Variants in RP1L1 observed in about 807,000 individuals in gnomAD.
The protein encoded by RP1L1 is RP1 like 1.
Under a neutral mutation model 15.7 loss-of-function variants are expected in RP1L1, and 27 were observed. The observed-to-expected ratio is 1.72, with a 90% confidence interval of 1.27 to 2.38. The LOEUF is 2.38. Ranked by LOEUF, RP1L1 falls within the 30% of genes most tolerant of loss-of-function variation. The pLI, the probability that RP1L1 is intolerant of heterozygous loss-of-function variation, is 0.00. For missense variants in RP1L1, 4,798 were observed against 3,075.9 expected, an observed-to-expected ratio of 1.56 and a Z score of -13.24; for synonymous variants, 1,813 against 1,276.7, an observed-to-expected ratio of 1.42 and a Z score of -8.96.
rs1797846026 is a variant in RP1L1 at position 10,611,234 on chromosome 8, G to A, written c.2864C>T (p.Ala955Val). The A allele has an allele frequency of 1.2e-6, 2 of 1,613,026 alleles. No individual in the cohort carries two copies. Among genetic ancestry groups the A allele is most frequent in the African/African-American group, 1.3e-5 (1 of 75,056 alleles). ...GTTGTCCAGCCATTCGCGGACCACA[G>A]CCTCTGGAGACGAGCGGGGCAGAGA... is the stretch of plus-strand genomic sequence containing the variant. Reference protein sequence around the residue: ...PSSLPRSSPEAVVREWLDNIP... With the variant: ...PSSLPRSSPEVVVREWLDNIP... The change falls in exon 4 of 4, where the codon GCT becomes GTT. Residue 955 changes from alanine to valine, a missense_variant. Physicochemically the swap from Ala to Val is moderately conservative, Grantham distance 64. Transcript: ENST00000382483.
chr8:10,633,482 G>A (rs563809215), intron 1 of RP1L1, among the ~76,000 whole-genome samples: 8 of 152,272 alleles, frequency 5.3e-5, no homozygotes, highest in African/African-American at 1.9e-4. Flanking sequence ...CCCGGGCAAG[G>A]ACACCACTCC....
rs747689221 is a variant in RP1L1, at chr8:10,612,568, T to C, written c.1530A>G (p.Ala510=). ...CGCCTTGCTCTGGGCCGCCCAGCCC[T>C]GCTCCATCTATGCATAGGCCGGGGT... ...GEDPGLCIDG[A]GLGGPEQGGR... Residue 510 remains alanine (A), a synonymous_variant, in exon 4 of 4, where the codon GCA becomes GCG. Coordinates refer to ENST00000382483, the MANE Select transcript of RP1L1 (RefSeq NM_178857.6). 7 of 1,607,066 alleles carry C rather than the reference T, an allele frequency of 4.4e-6. No individual in the cohort carries two copies. The East Asian group carries it at 6.7e-5, about 15-fold the overall frequency.
chr8:10,625,732 A>C (rs1055234915), intron 1 of RP1L1, among the ~76,000 whole-genome samples: 20 of 152,088 alleles, frequency 1.3e-4, no homozygotes, highest in Admixed American at 1.2e-3. Flanking sequence ...TGTGGACAGG[A>C]CCACGCAGGA....
chr8:10,611,453 C>A lies in RP1L1; in HGVS notation c.2645G>T (p.Arg882Leu). Residue 882 changes from arginine to leucine, a missense_variant, in exon 4 of 4, where the codon CGG becomes CTG. Transcript: ENST00000382483. The part of the protein sequence containing the change: ...STGSSHQSTA[R>L]GPGGSPQEGT... ...CTCCTGCGGGCTCCCACCTGGCCCC[C>A]GGGCAGTGCTTTGGTGGCTGCTGCC... is the stretch of plus-strand genomic sequence containing the variant. 5.1e-6 allele frequency: 8 copies of A among 1,570,528 alleles called. No individual in the cohort carries two copies. Among genetic ancestry groups the A allele is most frequent in the Non-Finnish European group, 6.9e-6 (8 of 1,160,386 alleles).
intron 1 of RP1L1, among the ~76,000 whole-genome samples, chr8:10,625,861 G>A (rs936868328): frequency 1.3e-4 from 20 of 152,070 alleles, no homozygotes; most frequent in Non-Finnish European, 2.6e-4. Flanking sequence ...CACTTGTACC[G>A]ATCAGAGCCA....
intron 1 of RP1L1, among the ~76,000 whole-genome samples, chr8:10,628,903 A>C (rs1798198532): frequency 6.6e-6 from 1 of 152,210 alleles, no homozygotes; most frequent in South Asian, 2.1e-4. Flanking sequence ...CTCATCAGTA[A>C]GGGAAGTAGG....
intron 1 of RP1L1, among the ~76,000 whole-genome samples, chr8:10,633,590 T>G (rs1798285037): frequency 6.6e-6 from 1 of 152,012 alleles, no homozygotes; most frequent in South Asian, 2.1e-4. Flanking sequence ...GCAAACCCAC[T>G]CAGAGGAGCG....
At chr8:10,625,916 G>A (rs1006075900) in intron 1 of RP1L1, among the ~76,000 whole-genome samples, 2 of 151,964 alleles carry the variant, frequency 1.3e-5, no homozygotes, top group Admixed American at 6.6e-5. Context: ...AGCGAGGGCA[G>A]CATTGTGGGA....
intron 1 of RP1L1, among the ~76,000 whole-genome samples, chr8:10,629,678 C>T (rs1585987544): frequency 6.6e-6 from 1 of 152,168 alleles, no homozygotes; most frequent in East Asian, 1.9e-4. Flanking sequence ...TTTCTTCTCA[C>T]ATAGAAATAG....
chr8:10,609,600 C>T lies in RP1L1; in HGVS notation c.4498G>A (p.Ala1500Thr), dbSNP rs1339972499. The T allele has an allele frequency of 1.2e-6, 2 of 1,606,386 alleles. No homozygotes were observed. The highest frequency in any genetic ancestry group is 1.3e-5 in the African/African-American group (1 of 75,032). Residue 1500 changes from alanine (A) to threonine (T), a missense_variant, in exon 4 of 4, where the codon GCA (alanine) becomes ACA (threonine). Coordinates refer to ENST00000382483, the MANE Select transcript of RP1L1 (RefSeq NM_178857.6). ...HTQAQPTQGA[A>T]ERSSSVACSA... The stretch of plus-strand genomic sequence containing the variant: ...CAGGCCACCGAAGAGCTCCTCTCTG[C>T]AGCCCCCTGGGTGGGTTGGGCCTGC...
In RP1L1 at chr8:10,609,861, C is replaced by A; in HGVS notation, c.4237G>T (p.Ala1413Ser). The A allele has an allele frequency of 6.2e-7, 1 of 1,614,172 alleles. No homozygotes were observed. The highest frequency in any genetic ancestry group is 8.5e-7 in the Non-Finnish European group (1 of 1,180,042). ...GAGCCTTTCCCATCCGGAGAGCTGG[C>A]CTCTGACAATTCCTGCCCGTGGACG... is the stretch of plus-strand genomic sequence containing the variant. ...GSVHGQELSE[A>S]SSPDGKGSQE... Residue 1413 changes from alanine (A) to serine (S), a missense_variant, in exon 4 of 4, where the codon GCC becomes TCC. Physicochemically the swap from Ala to Ser is moderately conservative, Grantham distance 99. Transcript: ENST00000382483.
intron 3 of RP1L1, among the ~76,000 whole-genome samples, chr8:10,615,086 G>C (rs769609300): frequency 7.2e-5 from 11 of 152,196 alleles, no homozygotes; most frequent in Non-Finnish European, 1.3e-4. Flanking sequence ...GACCAAATGA[G>C]ACTGGACACT....
intron 2 of RP1L1, chr8:10,621,688 A>G (rs944832609): frequency 2.2e-5 from 11 of 491,748 alleles, no homozygotes; most frequent in Non-Finnish European, 4.5e-5. Flanking sequence ...AACAGGACTG[A>G]ATCTTGAGGA....
At position 10,606,479 on chromosome 8, in the gene RP1L1, A is replaced by G. The variant is rs1476389971; in HGVS notation, c.*416T>C. 6 of 200,936 alleles carry G rather than the reference A, an allele frequency of 3.0e-5. No individual in the cohort carries two copies. The highest frequency in any genetic ancestry group is 2.3e-3 in the Middle Eastern group (1 of 444). The allele number at this position is 200,936 out of a possible 1,614,324, so 12.4% of individuals were successfully genotyped here. ...TCAAAGTCAAATGAGGTGAGTGCCA[A>G]CAGAAGCCAAGGAGAAAAGTAACAG... On this transcript the variant is annotated 3_prime_UTR_variant, in exon 4 of 4. Transcript: ENST00000382483.
Position 10,608,447 on chromosome 8 carries a change from T to G in RP1L1, c.5651A>C (p.Gln1884Pro), listed in dbSNP as rs1797755590. The G allele has an allele frequency of 6.2e-7, 1 of 1,605,440 alleles. No individual in the cohort carries two copies. Among genetic ancestry groups the G allele is most frequent in the Middle Eastern group, 1.7e-4 (1 of 6,044 alleles). ...GGTCTCTACATCTTCTGACTCTGGC[T>G]GGGCCTCTCCTTCTGCCTCTGGGGC... Reference protein sequence around the residue: ...VEAPEAEGEAQPESEDVETPE... With the variant: ...VEAPEAEGEAPPESEDVETPE... Residue 1884 changes from glutamine to proline, a missense_variant, in exon 4 of 4, where the codon CAG (glutamine) becomes CCG (proline). Coordinates refer to ENST00000382483, the MANE Select transcript of RP1L1 (RefSeq NM_178857.6).
chr8:10,618,785 T>C (rs1156746962), intron 2 of RP1L1, among the ~76,000 whole-genome samples: 1 of 152,228 alleles, frequency 6.6e-6, no homozygotes, highest in Non-Finnish European at 1.5e-5. Context: ...ACCAGCTGTT[T>C]CTATCCCACT....
intron 1 of RP1L1, among the ~76,000 whole-genome samples, chr8:10,633,002 G>C (rs1207104304): frequency 6.6e-6 from 1 of 152,196 alleles, no homozygotes; most frequent in Non-Finnish European, 1.5e-5. Context: ...CCAGTGCCTT[G>C]GGGGTCACTC....
At chr8:10,625,338 C>T (rs1049289940) in intron 1 of RP1L1, among the ~76,000 whole-genome samples, 2 of 152,184 alleles carry the variant, frequency 1.3e-5, no homozygotes, top group African/African-American at 2.4e-5. Context: ...GCTCTTCCTC[C>T]AGTACCACTC....
In RP1L1 at chr8:10,615,911, T is replaced by C. The variant is rs150284634; in HGVS notation, c.751+535A>G. Among the ~76,000 whole-genome samples the C allele has an allele frequency of 3.0e-3, 452 of 152,262 alleles. 3 individuals are homozygous for C. Among genetic ancestry groups the C allele is most frequent in the African/African-American group, 9.9e-3 (413 of 41,542 alleles). Reference sequence around the variant, plus strand: ...GATCTCTTAATCCCTGTTCCATTTATTTATTAATTTTGAGACAGGATTTTG... The same window carrying C: ...GATCTCTTAATCCCTGTTCCATTTACTTATTAATTTTGAGACAGGATTTTG... On this transcript the variant is annotated intron_variant, in intron 3 of 3. Coordinates refer to ENST00000382483, the MANE Select transcript of RP1L1 (RefSeq NM_178857.6).
Sources: gnomAD v4.1 joint callset for allele counts (sites outside exome capture counted in the v4.1 genomes callset) on GRCh38, gnomAD v4.1.1 for gene constraint, MANE v1.5 for transcripts, NCBI Gene and HGNC (gene_info 2026-07-23, HGNC 2026-07-21) for gene names.